NF1: variants seen among roughly 807,000 people sequenced by gnomAD.
NF1 encodes the protein neurofibromin.
In NF1, 122 loss-of-function variants were observed where a neutral mutation model predicts 325.7. The observed-to-expected ratio is 0.37, with a 90% CI of 0.32 to 0.44. The LOEUF (loss-of-function observed/expected upper bound fraction) is 0.44, where lower values mean the gene tolerates loss of function less well. Ranked by LOEUF, NF1 falls within the 20% of genes least tolerant of loss-of-function variation. The pLI is 1.00. For missense variants in NF1, 2,140 were observed against 3,415.4 expected (o/e 0.63, Z 9.31); for synonymous variants, 1,091 against 1,186.0 (o/e 0.92, Z 1.65).
At chr17:31,306,855 A>C (rs2068736841) in intron 36 of NF1, among the ~76,000 whole-genome samples, 1 of 152,034 alleles carries the variant, frequency 6.6e-6, no homozygotes, top group Non-Finnish European at 1.5e-5. Context: ...TAGTGATAGA[A>C]GCAAACAGTA....
Position 31,235,625 on chromosome 17 carries a change from A to C in NF1, c.3723A>C (p.Arg1241=). The C allele has an allele frequency of 6.2e-7, 1 of 1,614,066 alleles. No individual in the cohort carries two copies. The highest frequency in any genetic ancestry group is 8.5e-7 in the Non-Finnish European group (1 of 1,179,980). ...VPCSQWDELA[R]VLVTLFDSRH... ...TTTGTTCTCAGGATGAACTAGCTCG[A>C]GTTCTGGTTACTCTGTTTGATTCTC... The change falls in exon 28 of 58, where the codon CGA becomes CGC. Residue 1241 remains arginine, a synonymous_variant. Coordinates refer to ENST00000358273, the MANE Select transcript of NF1 (RefSeq NM_001042492.3).
Position 31,327,990 on chromosome 17 carries a change from G to C in NF1, c.5609+151G>C, listed in dbSNP as rs1311456291. 3 of 757,386 alleles carry C rather than the reference G, an allele frequency of 4.0e-6. No individual in the cohort carries two copies. In the South Asian group the frequency reaches 4.9e-5, roughly 12 times the overall value. 46.9% of individuals were successfully genotyped at this position (757,386 alleles called of 1,614,324 possible). ...AACCACTGTGACCTCATCAAGTTGT[G>C]GGGTATTCACATGAACTGTGGAATT... is the stretch of plus-strand genomic sequence containing the variant. On this transcript the variant is annotated intron_variant, in intron 38 of 57. Coordinates refer to ENST00000358273, the MANE Select transcript of NF1 (RefSeq NM_001042492.3).
At chr17:31,151,086 C>T (rs1358276542) in intron 1 of NF1, among the ~76,000 whole-genome samples, 2 of 151,838 alleles carry the variant, frequency 1.3e-5, no homozygotes, top group Non-Finnish European at 2.9e-5. Flanking sequence ...CACATAATGA[C>T]ATTTTGGTCA....
In NF1 at chr17:31,304,313, C is replaced by T. The variant is rs747146449; in HGVS notation, c.4836-21507C>T. 19 of 1,613,580 alleles carry T rather than the reference C, an allele frequency of 1.2e-5. No homozygotes were observed. In the South Asian group the frequency reaches 2.1e-4, roughly 18 times the overall value. ...GGCAGGGATTCATTAAGATCTTGAT[C>T]AGAGTTGGGAGGAATAGAGAACTCC... On this transcript the variant is annotated intron_variant, in intron 36 of 57. Coordinates refer to ENST00000358273, the MANE Select transcript of NF1 (RefSeq NM_001042492.3).
In NF1 at chr17:31,337,590, A is replaced by T. The variant is rs2151556691; in HGVS notation, c.6642+8A>T. 6.2e-7 allele frequency: 1 copy of T among 1,611,348 alleles called. No individual in the cohort carries two copies. Among genetic ancestry groups the T allele is most frequent in the Non-Finnish European group, 8.5e-7 (1 of 1,178,294 alleles). ...TTGTTGGAGATCATGGAGGTATAGA[A>T]GCCAAAATGATAAGAAACTAAGTTA... On this transcript the variant is annotated splice_region_variant and intron_variant, in intron 43 of 57. Coordinates refer to ENST00000358273, the MANE Select transcript of NF1 (RefSeq NM_001042492.3).
At chr17:31,171,194 G>A (rs1442336119) in intron 5 of NF1, among the ~76,000 whole-genome samples, 1 of 152,080 alleles carries the variant, frequency 6.6e-6, no homozygotes, top group Non-Finnish European at 1.5e-5. Context: ...GTGAAACCAA[G>A]CAACAATTAA....
At chr17:31,158,180 T>G (rs1472316621) in intron 2 of NF1, among the ~76,000 whole-genome samples, 3 of 152,188 alleles carry the variant, frequency 2.0e-5, no homozygotes, top group African/African-American at 7.2e-5. Context: ...ATGTGGTGTT[T>G]AACTTTTTGT....
intron 4 of NF1, among the ~76,000 whole-genome samples, chr17:31,167,976 G>A (rs1372257766): frequency 6.6e-6 from 1 of 152,028 alleles, no homozygotes. Context: ...GGCTTACTCG[G>A]TTTTCAAATA....
intron 50 of NF1, among the ~76,000 whole-genome samples, chr17:31,351,249 A>G (rs1054980984): frequency 6.6e-6 from 1 of 152,186 alleles, no homozygotes; most frequent in Non-Finnish European, 1.5e-5. Flanking sequence ...CAATAAGTTC[A>G]AGGTCTTTTA....
At chr17:31,280,829 C>T (rs992505603) in intron 36 of NF1, among the ~76,000 whole-genome samples, 1 of 148,426 alleles carries the variant, frequency 6.7e-6, no homozygotes, top group Non-Finnish European at 1.5e-5. Context: ...TGTATTACTT[C>T]GGGGATTTTT....
intron 50 of NF1, among the ~76,000 whole-genome samples, chr17:31,352,023 G>C (rs1011068429): frequency 6.6e-6 from 1 of 152,086 alleles, no homozygotes; most frequent in African/African-American, 2.4e-5. Context: ...TTGCAGTACA[G>C]ATCTTTTTGT....
intron 36 of NF1, chr17:31,295,989 C>G: frequency 2.5e-6 from 4 of 1,614,004 alleles, no homozygotes; most frequent in Non-Finnish European, 3.4e-6. Context: ...TCAGATTTGT[C>G]AAGAAGTTTA....
chr17:31,246,272 ACTT>A (rs1342653331), intron 29 of NF1, among the ~76,000 whole-genome samples: 1 of 152,124 alleles, frequency 6.6e-6, no homozygotes, highest in Non-Finnish European at 1.5e-5. Context: ...AAATACCCTT[ACTT>A]CTTTTGTCTA....
rs578141234 is a variant in NF1 at position 31,225,234 on chromosome 17, A to G, written c.1985A>G (p.Lys662Arg). ...CCTGGAGCCTCTCTCCGGAAGGGAA[A>G]AGGGAACTCCTCTATGGTCAGCTTC... is the stretch of plus-strand genomic sequence containing the variant. ...RTPGASLRKG[K>R]GNSSMDSAAG... is the part of the protein sequence containing the mutation. Residue 662 changes from lysine (K) to arginine (R), a missense_variant, in exon 17 of 58, where the codon AAA becomes AGA. By Grantham distance (26) the Lys-to-Arg change is conservative (BLOSUM62 2). Around this residue, in one of 10 missense-constraint regions of NF1, gnomAD observed 380 missense variants for 639.3 expected, o/e 0.59. Coordinates refer to ENST00000358273, the MANE Select transcript of NF1 (RefSeq NM_001042492.3). 15 of 1,613,772 alleles carry G rather than the reference A, an allele frequency of 9.3e-6. 1 individual carries two copies. The South Asian group carries it at 1.3e-4, about 14-fold the overall frequency.
At chr17:31,327,126 G>A (rs1341597919) in intron 37 of NF1, among the ~76,000 whole-genome samples, 1 of 151,862 alleles carries the variant, frequency 6.6e-6, no homozygotes, top group Admixed American at 6.6e-5. Flanking sequence ...CCACCGCCAC[G>A]GCAGGCTAGT....
intron 1 of NF1, among the ~76,000 whole-genome samples, chr17:31,101,807 A>G (rs1263987581): frequency 6.6e-6 from 1 of 152,104 alleles, no homozygotes. Context: ...AGAACCACAC[A>G]GTAAGTTTTC....
intron 35 of NF1, among the ~76,000 whole-genome samples, chr17:31,263,856 T>TA (rs894073316): frequency 2.0e-4 from 30 of 152,224 alleles, no homozygotes; most frequent in African/African-American, 6.7e-4. Context: ...TAAAGAAAGT[T>TA]AAAAAAATTA....
At chr17:31,371,010 C>T (rs891638332) in intron 57 of NF1, among the ~76,000 whole-genome samples, 2 of 151,180 alleles carry the variant, frequency 1.3e-5, no homozygotes, top group African/African-American at 4.9e-5. Context: ...GTGGAGGATG[C>T]CAAAGGGAAA....
At chr17:31,265,140 G>A (rs1050252100) in intron 35 of NF1, 89 bp from the exon 36 acceptor site, 3 of 925,436 alleles carry the variant, frequency 3.2e-6, no homozygotes, top group African/African-American at 1.7e-5. Flanking sequence ...TTTCATTTTA[G>A]TATTTTATTG....
Sources: gnomAD v4.1 joint callset for allele counts (sites outside exome capture counted in the v4.1 genomes callset) on GRCh38, gnomAD v4.1.1 for gene constraint, gnomAD v4.1.1 regional missense constraint, MANE v1.5 for transcripts, NCBI Gene and HGNC (gene_info 2026-07-23, HGNC 2026-07-21) for gene names.